Variants in SLX9 observed in about 807,000 individuals in gnomAD.
The protein encoded by SLX9 is SLX9 ribosome biogenesis factor, also known as ribosome biogenesis protein SLX9 homolog.
A neutral mutation model predicts 20.8 loss-of-function variants in SLX9; 19 were observed. That is an observed-to-expected ratio of 0.91 (90% CI 0.64 to 1.34). The LOEUF is 1.34. SLX9 is among the 40% of genes most tolerant of loss of function. SLX9 has a pLI of 0.00. For synonymous variants in SLX9, 113 were observed against 137.1 expected (o/e 0.82, Z 1.23); for missense variants, 299 against 322.2 (o/e 0.93, Z 0.55).
chr21:44,970,406 G>A (rs553707677), intron 4 of SLX9, among the ~76,000 whole-genome samples: 4 of 152,268 alleles, frequency 2.6e-5, no homozygotes, highest in South Asian at 2.1e-4. Context: ...CGTGGGGGTC[G>A]TATTTTTAGC....
At chr21:44,943,563 C>A in intron 1 of SLX9, 121 bp from the exon 2 acceptor site, 2 of 1,355,586 alleles carry the variant, frequency 1.5e-6, no homozygotes, top group Non-Finnish European at 1.0e-6. Context: ...TCCTCCCGGG[C>A]AGAGAAGCTG....
At chr21:44,948,543 A>G (rs115026084) in intron 2 of SLX9, among the ~76,000 whole-genome samples, 2,458 of 152,290 alleles carry the variant, frequency 0.016, 81 homozygotes, top group African/African-American at 0.056. Flanking sequence ...GCTCAGAGAC[A>G]CAGGCAGGGT....
intron 2 of SLX9, among the ~76,000 whole-genome samples, chr21:44,953,125 C>T (rs988434764): frequency 6.6e-6 from 1 of 152,068 alleles, no homozygotes. Context: ...AGGCCCAGGC[C>T]GAGCCTGTGC....
chr21:44,954,411 C>A (rs749734036), intron 2 of SLX9, among the ~76,000 whole-genome samples: 1 of 151,994 alleles, frequency 6.6e-6, no homozygotes, highest in Non-Finnish European at 1.5e-5. Context: ...GAATGTCGAA[C>A]CCCTGGCTGG....
At chr21:44,943,893 C>T in intron 2 of SLX9, 56 bp downstream of exon 2, 2 of 1,608,084 alleles carry the variant, frequency 1.2e-6, no homozygotes, top group Non-Finnish European at 8.5e-7. Context: ...GGGATTGTTC[C>T]CTCAGGCACC....
chr21:44,954,776 G>A (rs1214043816), intron 2 of SLX9, among the ~76,000 whole-genome samples: 5 of 152,206 alleles, frequency 3.3e-5, no homozygotes, highest in Admixed American at 2.0e-4. Flanking sequence ...GGTGTCTGCC[G>A]ATGCGGACCC....
chr21:44,973,173 C>A (rs1351683399), intron 4 of SLX9, 24 bp from the exon 5 acceptor site: 1 of 1,612,970 alleles, frequency 6.2e-7, no homozygotes, highest in South Asian at 1.1e-5. Flanking sequence ...GATGCTGACT[C>A]ACGTGGCTTC....
At chr21:44,955,687 C>T (rs948228537) in intron 2 of SLX9, among the ~76,000 whole-genome samples, 6 of 152,196 alleles carry the variant, frequency 3.9e-5, no homozygotes, top group African/African-American at 1.4e-4. Context: ...TCCCGGCCCC[C>T]TCTTTTCTTT....
At chr21:44,953,788 C>A (rs1273534150) in intron 2 of SLX9, among the ~76,000 whole-genome samples, 1 of 152,196 alleles carries the variant, frequency 6.6e-6, no homozygotes, top group African/African-American at 2.4e-5. Context: ...CGTGCCACCC[C>A]CCGGGGAGCT....
At chr21:44,956,163 A>G (rs1159736838) in intron 2 of SLX9, among the ~76,000 whole-genome samples, 1 of 152,090 alleles carries the variant, frequency 6.6e-6, no homozygotes, top group African/African-American at 2.4e-5. Context: ...GAAGGAAGCA[A>G]TCTCTTGTTA....
At chr21:44,970,004 C>A (rs570866737) in intron 4 of SLX9, among the ~76,000 whole-genome samples, 72 of 152,308 alleles carry the variant, frequency 4.7e-4, no homozygotes, top group Non-Finnish European at 6.5e-4. Context: ...GGGGAGGAAG[C>A]CCCCAGAGGC....
chr21:44,954,781 G>A (rs768334754), intron 2 of SLX9, among the ~76,000 whole-genome samples: 2 of 152,228 alleles, frequency 1.3e-5, no homozygotes, highest in East Asian at 1.9e-4. Flanking sequence ...CTGCCGATGC[G>A]GACCCTGGAT....
chr21:44,976,495 G>C (rs1264393173), intron 5 of SLX9, among the ~76,000 whole-genome samples, 185 bp from the exon 6 acceptor site: 1 of 152,170 alleles, frequency 6.6e-6, no homozygotes, highest in Non-Finnish European at 1.5e-5. Context: ...TGGGATGCAC[G>C]TGGCCACGAG....
intron 2 of SLX9, among the ~76,000 whole-genome samples, chr21:44,954,378 C>T (rs1275110197): frequency 6.6e-6 from 1 of 152,124 alleles, no homozygotes; most frequent in African/African-American, 2.4e-5. Flanking sequence ...GGCCCCGTCT[C>T]CCAGGCCACC....
intron 2 of SLX9, among the ~76,000 whole-genome samples, chr21:44,955,185 G>A (rs2146637858): frequency 6.7e-6 from 1 of 148,952 alleles, no homozygotes; most frequent in East Asian, 2.0e-4. Flanking sequence ...TCCAGCCTGG[G>A]CGACAGAGTG....
chr21:44,954,761 CG>C (rs1159238121), intron 2 of SLX9, among the ~76,000 whole-genome samples: 1 of 152,140 alleles, frequency 6.6e-6, no homozygotes, highest in African/African-American at 2.4e-5. Flanking sequence ...CAAACCTCGG[CG>C]GGGGGTGTCT....
At chr21:44,963,485 G>A (rs1490960147) in intron 3 of SLX9, among the ~76,000 whole-genome samples, 1 of 151,228 alleles carries the variant, frequency 6.6e-6, no homozygotes, top group Non-Finnish European at 1.5e-5. Context: ...AGAAAACTTT[G>A]CCTAATCCCA....
At chr21:44,967,951 G>A (rs970502572) in intron 4 of SLX9, among the ~76,000 whole-genome samples, 2 of 152,032 alleles carry the variant, frequency 1.3e-5, no homozygotes, top group Non-Finnish European at 2.9e-5. Flanking sequence ...AAAGAGGCAG[G>A]CCCCTGCCCC....
chr21:44,962,085 G>A (rs1188869400), intron 3 of SLX9, among the ~76,000 whole-genome samples: 3 of 152,232 alleles, frequency 2.0e-5, no homozygotes, highest in East Asian at 1.9e-4. Flanking sequence ...TTAAAAATGC[G>A]TTTCAAAGTA....
Sources: allele counts gnomAD v4.1 joint callset (sites outside exome capture counted in the v4.1 genomes callset), GRCh38; gene constraint gnomAD v4.1.1; transcripts MANE v1.5; gene names NCBI Gene and HGNC (gene_info 2026-07-23, HGNC 2026-07-21).